The following EDIL3 variants were observed in gnomAD, a reference collection of about 807,000 sequenced individuals.
EDIL3 encodes EGF like and discoidin domains 3, also known as EGF-like repeat and discoidin I-like domain-containing protein 3.
A neutral mutation model predicts 67.4 loss-of-function variants in EDIL3; 37 were observed. The ratio of observed to expected loss-of-function variants is 0.55; its 90% CI spans 0.42 to 0.72. The LOEUF (loss-of-function observed/expected upper bound fraction) is 0.72, where lower values mean the gene tolerates loss of function less well. EDIL3 is among the 30% of genes least tolerant of loss of function. EDIL3 has a pLI of 0.00. For synonymous variants in EDIL3, 195 were observed against 196.3 expected, an observed-to-expected ratio of 0.99 and a Z score of 0.05; for missense variants, 527 against 586.3, an observed-to-expected ratio of 0.90 and a Z score of 1.04.
chr5:84,168,768 G>T (rs1217142041), intron 4 of EDIL3, among the ~76,000 whole-genome samples: 1 of 152,172 alleles, frequency 6.6e-6, no homozygotes, highest in Non-Finnish European at 1.5e-5. Flanking sequence ...CCAGGTGGTT[G>T]CAAGGTTCCA....
rs73142608 is a variant in EDIL3, at chr5:84,233,195, T to C, written c.197-3311A>G. Among the ~76,000 whole-genome samples, 481 of 152,262 alleles carry C rather than the reference T, an allele frequency of 3.2e-3. 1 individual carries two copies. The highest frequency in any genetic ancestry group is 0.011 in the African/African-American group (465 of 41,554). ...GTAGGAAAACAGAGGTAAAAAAATA[T>C]ATCAGACATATAGAATTTAAGTAAG... On this transcript the variant is annotated intron_variant, in intron 2 of 10. Coordinates refer to ENST00000296591, the MANE Select transcript of EDIL3 (RefSeq NM_005711.5).
intron 6 of EDIL3, among the ~76,000 whole-genome samples, chr5:84,104,272 A>C (rs1407424937): frequency 1.3e-5 from 2 of 152,056 alleles, no homozygotes; most frequent in South Asian, 4.1e-4. Flanking sequence ...AAATATAACT[A>C]ATGGATACTA....
intron 4 of EDIL3, among the ~76,000 whole-genome samples, chr5:84,163,652 C>A (rs760042898): frequency 3.3e-5 from 5 of 151,962 alleles, no homozygotes; most frequent in Non-Finnish European, 5.9e-5. Context: ...AATCTATCTA[C>A]GTAACTTAGA....
At position 84,351,347 on chromosome 5, in the gene EDIL3, C is replaced by T. The variant is rs182944157; in HGVS notation, c.67+32961G>A. Among the ~76,000 whole-genome samples the T allele has an allele frequency of 1.4e-4, 22 of 152,206 alleles. No individual in the cohort carries two copies. In the East Asian group the frequency reaches 3.5e-3, roughly 24 times the overall value. On this transcript the variant is annotated intron_variant, in intron 1 of 10. Transcript: ENST00000296591. The stretch of plus-strand genomic sequence containing the variant: ...TCTTTTAAGACCTCTCATTGAAAAA[C>T]ACTAAGTAATGGCCCTAGGTATGTC...
At chr5:83,949,772 G>A (rs1230464771) in intron 10 of EDIL3, among the ~76,000 whole-genome samples, 1 of 151,752 alleles carries the variant, frequency 6.6e-6, no homozygotes, top group Non-Finnish European at 1.5e-5. Context: ...TGCAGTAGAT[G>A]TTAACCTTAC....
At chr5:84,299,434 G>A (rs1475819297) in intron 1 of EDIL3, among the ~76,000 whole-genome samples, 1 of 152,052 alleles carries the variant, frequency 6.6e-6, no homozygotes, top group African/African-American at 2.4e-5. Flanking sequence ...TTTCTTTCCT[G>A]AGATCCCCAC....
At chr5:84,034,119 T>C (rs1745975364) in intron 9 of EDIL3, among the ~76,000 whole-genome samples, 1 of 152,204 alleles carries the variant, frequency 6.6e-6, no homozygotes, top group South Asian at 2.1e-4. Flanking sequence ...AATTTACTCA[T>C]TTTAAAAGAG....
intron 6 of EDIL3, among the ~76,000 whole-genome samples, chr5:84,082,621 T>G (rs898678888): frequency 1.3e-5 from 2 of 152,182 alleles, no homozygotes; most frequent in African/African-American, 4.8e-5. Flanking sequence ...ATCTTAAATT[T>G]GCATTTCAAA....
chr5:84,053,848 G>C (rs1160813005), intron 9 of EDIL3, among the ~76,000 whole-genome samples: 1 of 152,188 alleles, frequency 6.6e-6, no homozygotes, highest in Non-Finnish European at 1.5e-5. Context: ...TCCAGGACCA[G>C]ATGGATTCAC....
At chr5:84,218,653 C>G (rs567359459) in intron 3 of EDIL3, among the ~76,000 whole-genome samples, 103 of 152,190 alleles carry the variant, frequency 6.8e-4, no homozygotes, top group Non-Finnish European at 9.1e-4. Flanking sequence ...TGTTTCTTGA[C>G]CTGTACTGGA....
At chr5:84,355,092 C>A (rs544767501) in intron 1 of EDIL3, among the ~76,000 whole-genome samples, 11 of 152,220 alleles carry the variant, frequency 7.2e-5, no homozygotes, top group Middle Eastern at 3.4e-3. Context: ...CAACTTGATT[C>A]CATTCTCCCT....
At chr5:84,098,744 G>A (rs1007195691) in intron 6 of EDIL3, among the ~76,000 whole-genome samples, 1 of 151,986 alleles carries the variant, frequency 6.6e-6, no homozygotes, top group African/African-American at 2.4e-5. Context: ...AGAATCTCTT[G>A]GACACAGCTA....
Position 84,323,525 on chromosome 5 carries a change from A to G in EDIL3, c.67+60783T>C, listed in dbSNP as rs1439876579. Among the ~76,000 whole-genome samples, 5 of 151,962 alleles carry G rather than the reference A, an allele frequency of 3.3e-5. No homozygotes were observed. In the East Asian group the frequency reaches 9.6e-4, roughly 29 times the overall value. On this transcript the variant is annotated intron_variant, in intron 1 of 10. Coordinates refer to ENST00000296591, the MANE Select transcript of EDIL3 (RefSeq NM_005711.5). ...TATGGGACAAAAGGTATAAGGTATAAAGGAAACAAACAGAAAAATTACAGA... is the reference window on the plus strand; with the variant it reads ...TATGGGACAAAAGGTATAAGGTATAGAGGAAACAAACAGAAAAATTACAGA...
chr5:84,023,868 T>G (rs551116498), intron 9 of EDIL3, among the ~76,000 whole-genome samples: 1 of 152,234 alleles, frequency 6.6e-6, no homozygotes, highest in Non-Finnish European at 1.5e-5. Flanking sequence ...TTTAAATCAC[T>G]TGCAAGATTA....
At chr5:84,219,925 G>T (rs1744307294) in intron 3 of EDIL3, among the ~76,000 whole-genome samples, 1 of 152,028 alleles carries the variant, frequency 6.6e-6, no homozygotes, top group African/African-American at 2.4e-5. Context: ...GAGATAGAGA[G>T]TAGAATGATG....
At position 84,379,307 on chromosome 5, in the gene EDIL3, T is replaced by C. The variant is rs146706925; in HGVS notation, c.67+5001A>G. 8.1e-3 allele frequency among the ~76,000 whole-genome samples: 1,231 copies of C among 152,290 alleles called. 14 individuals are homozygous for C. The highest frequency in any genetic ancestry group is 0.028 in the African/African-American group (1,146 of 41,580). ...TCAATTGATGCAGAGGAGTCACATA[T>C]ATAGAAATTAATAACTGGCTTAAAT... is the stretch of plus-strand genomic sequence containing the variant. On this transcript the variant is annotated intron_variant, in intron 1 of 10. Coordinates refer to ENST00000296591, the MANE Select transcript of EDIL3 (RefSeq NM_005711.5).
intron 1 of EDIL3, among the ~76,000 whole-genome samples, chr5:84,368,690 A>G (rs1747786554): frequency 6.6e-6 from 1 of 151,926 alleles, no homozygotes; most frequent in African/African-American, 2.4e-5. Context: ...TAAAAAGGCA[A>G]CCCACGGAAT....
In EDIL3 at chr5:84,106,819, G is replaced by T. The variant is rs781690362; in HGVS notation, c.481C>A (p.Pro161Thr). The change falls in exon 6 of 11, where the codon CCA becomes ACA. Residue 161 changes from proline to threonine, a missense_variant. This residue lies in a region of EDIL3 where 494 missense variants were observed against 522.5 expected (regional missense o/e 0.95). Coordinates refer to ENST00000296591, the MANE Select transcript of EDIL3 (RefSeq NM_005711.5). ...GRNCQYKCSG[P>T]LGIEGGIISN... ...ATAATTCCACCTTCAATTCCCAGTGGGCCTGAGCATTCTGGAAACAAAAAC... is the reference window on the plus strand; with the variant it reads ...ATAATTCCACCTTCAATTCCCAGTGTGCCTGAGCATTCTGGAAACAAAAAC... 7.5e-6 allele frequency: 12 copies of T among 1,598,986 alleles called. No individual in the cohort carries two copies. The highest frequency in any genetic ancestry group is 1.0e-5 in the Non-Finnish European group (12 of 1,174,768).
chr5:84,144,943 C>T (rs1748267344), intron 4 of EDIL3, among the ~76,000 whole-genome samples: 1 of 152,060 alleles, frequency 6.6e-6, no homozygotes, highest in African/African-American at 2.4e-5. Flanking sequence ...GTATTAGAAG[C>T]TCAGCTATGA....
Sources: gnomAD v4.1 joint callset for allele counts (sites outside exome capture counted in the v4.1 genomes callset) on GRCh38, gnomAD v4.1.1 for gene constraint, gnomAD v4.1.1 regional missense constraint, MANE v1.5 for transcripts, NCBI Gene and HGNC (gene_info 2026-07-23, HGNC 2026-07-21) for gene names.